Variants in CDH8 observed in about 807,000 individuals in gnomAD.
CDH8 encodes the protein cadherin-8.
CDH8 carries 17 observed loss-of-function variants against 68.1 expected under a neutral mutation model. The observed-to-expected ratio is 0.25, with a 90% CI of 0.17 to 0.37. The LOEUF is 0.37. CDH8 is among the 10% of genes least tolerant of loss of function. CDH8 has a pLI of 1.00. For synonymous variants in CDH8, 372 were observed against 365.1 expected (o/e 1.02, Z -0.21); for missense variants, 763 against 999.3 (o/e 0.76, Z 3.19).
chr16:61,652,980 C>T lies in CDH8; in HGVS notation c.*628G>A. ...GCCCCACCCTGGAATGGATTACGAACATGTGAATATTTTAAGGCTCGACAC... is the reference window on the plus strand; with the variant it reads ...GCCCCACCCTGGAATGGATTACGAATATGTGAATATTTTAAGGCTCGACAC... On this transcript the variant is annotated 3_prime_UTR_variant, in exon 12 of 12. Transcript: ENST00000577390. 6.7e-7 allele frequency: 1 copy of T among 1,491,570 alleles called. No homozygotes were observed. The highest frequency in any genetic ancestry group is 8.9e-7 in the Non-Finnish European group (1 of 1,125,920). 92.4% of individuals were successfully genotyped at this position (1,491,570 alleles called of 1,614,324 possible).
intron 3 of CDH8, among the ~76,000 whole-genome samples, chr16:61,897,334 C>T (rs948133220): frequency 6.6e-6 from 1 of 152,072 alleles, no homozygotes; most frequent in African/African-American, 2.4e-5. Flanking sequence ...CTCACTGCAA[C>T]CTCCACCTCC....
At chr16:61,791,833 G>C (rs980492536) in intron 7 of CDH8, among the ~76,000 whole-genome samples, 60 of 152,046 alleles carry the variant, frequency 3.9e-4, no homozygotes, top group African/African-American at 1.4e-3. Context: ...CAAATTTAGA[G>C]CAAATTATAT....
Position 61,653,824 on chromosome 16 carries a change from C to A in CDH8, c.2184G>T (p.Arg728Ser), listed in dbSNP as rs1376231729. ...GVDVDEFINV[R>S]LHEADNDPTA... Reference sequence around the variant, plus strand: ...TGGGATCATTATCTGCCTCATGCAGCCTTACATTTATAAATTCATCGACAT... The same window carrying A: ...TGGGATCATTATCTGCCTCATGCAGACTTACATTTATAAATTCATCGACAT... Residue 728 changes from arginine to serine, a missense_variant, in exon 12 of 12, where the codon AGG (arginine) becomes AGT (serine). This residue lies in a region of CDH8 where 397 missense variants were observed against 436.2 expected (regional missense o/e 0.91). Transcript: ENST00000577390. 24 of 1,614,132 alleles carry A rather than the reference C, an allele frequency of 1.5e-5. No homozygotes were observed. The highest frequency in any genetic ancestry group is 2.0e-5 in the Non-Finnish European group (24 of 1,180,038).
At chr16:61,937,339 A>G (rs1964643842) in intron 2 of CDH8, among the ~76,000 whole-genome samples, 1 of 152,154 alleles carries the variant, frequency 6.6e-6, no homozygotes, top group Admixed American at 6.6e-5. Context: ...TGTTCCCTAG[A>G]ACAGAAGGAA....
At chr16:61,814,582 C>G (rs137905687) in intron 7 of CDH8, among the ~76,000 whole-genome samples, 53 of 152,280 alleles carry the variant, frequency 3.5e-4, no homozygotes, top group African/African-American at 1.2e-3. Flanking sequence ...GGGATAACTG[C>G]CTATTTCTTG....
At chr16:62,019,229 C>A (rs1239094228) in intron 2 of CDH8, among the ~76,000 whole-genome samples, 1 of 152,190 alleles carries the variant, frequency 6.6e-6, no homozygotes, top group African/African-American at 2.4e-5. Context: ...ACCTTACATT[C>A]TATACTCAAT....
chr16:61,738,271 A>G (rs532011562), intron 8 of CDH8, among the ~76,000 whole-genome samples: 60 of 152,124 alleles, frequency 3.9e-4, no homozygotes, highest in Non-Finnish European at 7.8e-4. Flanking sequence ...CTCCATTTTC[A>G]AATGCTCTCT....
At chr16:61,969,883 C>T (rs1019830817) in intron 2 of CDH8, among the ~76,000 whole-genome samples, 6 of 152,202 alleles carry the variant, frequency 3.9e-5, no homozygotes, top group South Asian at 2.1e-4. Context: ...AATGAAGATG[C>T]TTCTTCCCTT....
intron 7 of CDH8, among the ~76,000 whole-genome samples, chr16:61,792,530 G>C (rs1334538272): frequency 6.6e-6 from 1 of 151,936 alleles, no homozygotes; most frequent in Admixed American, 6.6e-5. Flanking sequence ...TTTGTACCAA[G>C]CACAGTGCTA....
At chr16:61,992,191 C>T (rs1965737260) in intron 2 of CDH8, among the ~76,000 whole-genome samples, 1 of 151,106 alleles carries the variant, frequency 6.6e-6, no homozygotes, top group Non-Finnish European at 1.5e-5. Flanking sequence ...AGAGATAACC[C>T]AAATGTCCAA....
chr16:61,822,645 A>G (rs1962243101), intron 5 of CDH8, among the ~76,000 whole-genome samples: 1 of 151,880 alleles, frequency 6.6e-6, no homozygotes, highest in African/African-American at 2.4e-5. Context: ...TATTTTCCAA[A>G]TAGTTCTGCC....
intron 2 of CDH8, among the ~76,000 whole-genome samples, chr16:61,910,937 G>A (rs1220914503): frequency 3.9e-5 from 6 of 152,124 alleles, no homozygotes. Context: ...ATAAATACAT[G>A]TTTGGTACTT....
At chr16:61,715,512 G>T (rs2142871741) in intron 9 of CDH8, among the ~76,000 whole-genome samples, 1 of 151,430 alleles carries the variant, frequency 6.6e-6, no homozygotes, top group African/African-American at 2.4e-5. Flanking sequence ...GACAGTTTCT[G>T]GTTTCTAGTC....
intron 8 of CDH8, among the ~76,000 whole-genome samples, chr16:61,782,653 A>G (rs374856279): frequency 4.6e-5 from 7 of 152,032 alleles, no homozygotes; most frequent in Middle Eastern, 3.4e-3. Context: ...GACAAACAAA[A>G]AGACAGCAGT....
intron 8 of CDH8, among the ~76,000 whole-genome samples, chr16:61,775,022 A>G (rs1960869327): frequency 6.6e-6 from 1 of 152,134 alleles, no homozygotes; most frequent in Non-Finnish European, 1.5e-5. Context: ...ATCGCTATTT[A>G]AGATGAAATT....
At chr16:61,896,044 T>G (rs187314182) in intron 3 of CDH8, among the ~76,000 whole-genome samples, 1 of 151,028 alleles carries the variant, frequency 6.6e-6, no homozygotes, top group East Asian at 1.9e-4. Flanking sequence ...TAGCGAACAA[T>G]CAGGATTAAA....
At chr16:61,815,853 A>G (rs1962060852) in intron 7 of CDH8, among the ~76,000 whole-genome samples, 1 of 152,114 alleles carries the variant, frequency 6.6e-6, no homozygotes, top group Admixed American at 6.6e-5. Context: ...GGAACAGGGC[A>G]GATTCATCCA....
rs1318998342 is a variant in CDH8 at position 61,832,588 on chromosome 16, C to T, written c.668-7409G>A. 2.0e-5 allele frequency among the ~76,000 whole-genome samples: 3 copies of T among 151,764 alleles called. No homozygotes were observed. The East Asian group carries it at 5.8e-4, about 30-fold the overall frequency. ...TGACCAGTACTTTTTAAACTAAGAA[C>T]TTATTCTAAGAAAATCATAAATTTT... On this transcript the variant is annotated intron_variant, in intron 4 of 11. Transcript: ENST00000577390.
intron 2 of CDH8, among the ~76,000 whole-genome samples, chr16:62,009,783 C>G (rs538034122): frequency 1.9e-4 from 29 of 152,244 alleles, no homozygotes; most frequent in Admixed American, 1.9e-3. Context: ...AGTCTTAATT[C>G]TCTTATCTGC....
Sources: gnomAD v4.1 joint callset for allele counts (sites outside exome capture counted in the v4.1 genomes callset) on GRCh38, gnomAD v4.1.1 for gene constraint, gnomAD v4.1.1 regional missense constraint, MANE v1.5 for transcripts, NCBI Gene and HGNC (gene_info 2026-07-23, HGNC 2026-07-21) for gene names.